Variants in C8orf34 observed in about 807,000 individuals in gnomAD.
The protein encoded by C8orf34 is chromosome 8 open reading frame 34.
C8orf34 carries 65 observed loss-of-function variants against 68.3 expected under a neutral mutation model. The observed-to-expected ratio is 0.95, with a 90% CI of 0.78 to 1.17. The LOEUF is 1.17. Among genes scored for constraint, C8orf34 ranks in the 50% most tolerant of loss-of-function variants. C8orf34 has a pLI of 0.00. For synonymous variants in C8orf34, 244 were observed against 241.2 expected (o/e 1.01, Z -0.11); for missense variants, 664 against 655.4 (o/e 1.01, Z -0.14).
chr8:68,350,696 T>C (rs1168013043), intron 1 of C8orf34, among the ~76,000 whole-genome samples: 1 of 152,142 alleles, frequency 6.6e-6, no homozygotes, highest in East Asian at 1.9e-4. Flanking sequence ...TGCCCTTCTT[T>C]GTCTTTTTTG....
At chr8:68,382,585 G>A (rs973331103) in intron 1 of C8orf34, among the ~76,000 whole-genome samples, 1 of 152,020 alleles carries the variant, frequency 6.6e-6, no homozygotes, top group Non-Finnish European at 1.5e-5. Flanking sequence ...ATCATTCCTG[G>A]CCTCCCATCT....
At chr8:68,637,347 T>A (rs181294038) in intron 7 of C8orf34, among the ~76,000 whole-genome samples, 116 of 152,230 alleles carry the variant, frequency 7.6e-4, no homozygotes, top group Middle Eastern at 3.4e-3. Flanking sequence ...AGTGCCTGAA[T>A]ATTAAAGGGA....
At chr8:68,413,783 T>G (rs1182263131) in intron 1 of C8orf34, among the ~76,000 whole-genome samples, 1 of 152,232 alleles carries the variant, frequency 6.6e-6, no homozygotes, top group Non-Finnish European at 1.5e-5. Context: ...TGAAGAGTTC[T>G]TCCTTCTTCC....
intron 6 of C8orf34, among the ~76,000 whole-genome samples, chr8:68,529,332 A>G (rs1008055838): frequency 2.0e-5 from 3 of 152,092 alleles, no homozygotes; most frequent in Non-Finnish European, 4.4e-5. Flanking sequence ...TGAAATTCCA[A>G]CCTCAAGTCT....
At chr8:68,368,216 C>G (rs1444234597) in intron 1 of C8orf34, among the ~76,000 whole-genome samples, 4 of 152,088 alleles carry the variant, frequency 2.6e-5, no homozygotes, top group Non-Finnish European at 5.9e-5. Flanking sequence ...GAAAGTTTTT[C>G]AATGATTTTA....
chr8:68,331,557 C>A, intron 1 of C8orf34: 1 of 596,144 alleles, frequency 1.7e-6, no homozygotes, highest in Non-Finnish European at 3.1e-6. Flanking sequence ...TGAACGCGGA[C>A]AGGTGAGCTC....
At chr8:68,358,713 ATT>A (rs11458417) in intron 1 of C8orf34, among the ~76,000 whole-genome samples, 1 of 146,680 alleles carries the variant, frequency 6.8e-6, no homozygotes, top group Non-Finnish European at 1.5e-5. Context: ...ATATTTATTT[ATT>A]TTTTTTTTGA....
At chr8:68,675,624 G>GA (rs376946762) in intron 8 of C8orf34, among the ~76,000 whole-genome samples, 6 of 149,216 alleles carry the variant, frequency 4.0e-5, no homozygotes, top group African/African-American at 1.5e-4. Context: ...TACCACCAGA[G>GA]AAAATCACCT....
chr8:68,709,611 C>T (rs745404553), intron 9 of C8orf34, among the ~76,000 whole-genome samples: 11 of 152,114 alleles, frequency 7.2e-5, no homozygotes, highest in East Asian at 1.9e-4. Context: ...CCTGAGTCAG[C>T]CTCTTTTGTA....
chr8:68,406,423 G>T (rs1235672707), intron 1 of C8orf34, among the ~76,000 whole-genome samples: 1 of 151,746 alleles, frequency 6.6e-6, no homozygotes, highest in Non-Finnish European at 1.5e-5. Flanking sequence ...TTGGGTGAAG[G>T]GAGCTGATCA....
intron 10 of C8orf34, among the ~76,000 whole-genome samples, chr8:68,766,354 G>A (rs1473089890): frequency 6.6e-6 from 1 of 152,160 alleles, no homozygotes; most frequent in Non-Finnish European, 1.5e-5. Flanking sequence ...TTTAAATTAT[G>A]TGACTCATAT....
chr8:68,689,888 C>T (rs529664412), intron 8 of C8orf34, among the ~76,000 whole-genome samples: 10 of 151,978 alleles, frequency 6.6e-5, no homozygotes, highest in Non-Finnish European at 1.0e-4. Flanking sequence ...TGCTTAAGGT[C>T]AAAAGCCTAT....
At chr8:68,619,197 G>A (rs917997685) in intron 7 of C8orf34, among the ~76,000 whole-genome samples, 1 of 152,152 alleles carries the variant, frequency 6.6e-6, no homozygotes, top group South Asian at 2.1e-4. Flanking sequence ...ATGGTGGCAT[G>A]TGCCTATAGT....
chr8:68,342,484 C>T (rs1585947512), intron 1 of C8orf34, among the ~76,000 whole-genome samples: 1 of 152,308 alleles, frequency 6.6e-6, no homozygotes, highest in East Asian at 1.9e-4. Context: ...AGCTCTCAAA[C>T]TCAGCAGTGT....
intron 12 of C8orf34, 81 bp from the exon 13 acceptor site, chr8:68,815,805 T>C: frequency 1.9e-6 from 3 of 1,610,480 alleles, no homozygotes; most frequent in Non-Finnish European, 2.5e-6. Context: ...CACTAGAAAT[T>C]GGCTAAAGCG....
chr8:68,422,895 C>T (rs1052902589), intron 1 of C8orf34, among the ~76,000 whole-genome samples: 2 of 152,202 alleles, frequency 1.3e-5, no homozygotes, highest in African/African-American at 4.8e-5. Flanking sequence ...ACTGCCAAGG[C>T]TTGGGGCTTA....
intron 7 of C8orf34, among the ~76,000 whole-genome samples, chr8:68,629,708 T>C (rs1818634277): frequency 6.6e-6 from 1 of 152,176 alleles, no homozygotes; most frequent in African/African-American, 2.4e-5. Flanking sequence ...AAGTTTCTAT[T>C]CTAAGGTGTC....
At chr8:68,451,148 A>C (rs1811327146) in intron 3 of C8orf34, among the ~76,000 whole-genome samples, 1 of 151,962 alleles carries the variant, frequency 6.6e-6, no homozygotes, top group Admixed American at 6.6e-5. Flanking sequence ...CTAGCTTTCA[A>C]ATTTTCTTCT....
chr8:68,541,480 A>G (rs1815699349), intron 7 of C8orf34, among the ~76,000 whole-genome samples: 1 of 152,090 alleles, frequency 6.6e-6, no homozygotes, highest in South Asian at 2.1e-4. Flanking sequence ...AGAAAAAAAA[A>G]AGAAGAATTA....
Sources: gnomAD v4.1 joint callset for allele counts (sites outside exome capture counted in the v4.1 genomes callset) on GRCh38, gnomAD v4.1.1 for gene constraint, MANE v1.5 for transcripts, NCBI Gene and HGNC (gene_info 2026-07-23, HGNC 2026-07-21) for gene names.